ANKS1B: variants seen among roughly 807,000 people sequenced by gnomAD.
ANKS1B encodes the protein ankyrin repeat and sterile alpha motif domain-containing protein 1B.
A neutral mutation model predicts 148.3 loss-of-function variants in ANKS1B; 36 were observed. The observed-to-expected ratio is 0.24, with a 90% CI of 0.19 to 0.32. The LOEUF is 0.32. Among genes scored for constraint, ANKS1B ranks in the 10% least tolerant of loss-of-function variants. The pLI, the probability that ANKS1B is intolerant of heterozygous loss-of-function variation, is 1.00. For missense variants in ANKS1B, 1,157 were observed against 1,542.6 expected, an observed-to-expected ratio of 0.75 and a Z score of 4.19; for synonymous variants, 542 against 560.8, an observed-to-expected ratio of 0.97 and a Z score of 0.47.
intron 12 of ANKS1B, among the ~76,000 whole-genome samples, chr12:99,290,873 G>C (rs1907674): frequency 0.045 from 6,815 of 152,072 alleles, 574 homozygotes; most frequent in East Asian, 0.3. Context: ...AACAAGACAA[G>C]GATGTCCTCT....
At chr12:98,874,711 T>C (rs1411760958) in intron 17 of ANKS1B, among the ~76,000 whole-genome samples, 3 of 152,156 alleles carry the variant, frequency 2.0e-5, no homozygotes, top group Non-Finnish European at 4.4e-5. Flanking sequence ...CTAACAAATA[T>C]ATCTGTATGT....
chr12:98,879,010 G>A lies in ANKS1B; in HGVS notation c.2779-46874C>T, dbSNP rs991292461. Among the ~76,000 whole-genome samples, 14 of 152,186 alleles carry A rather than the reference G, an allele frequency of 9.2e-5. 1 individual carries two copies. The highest frequency in any genetic ancestry group is 3.1e-4 in the African/African-American group (13 of 41,442). ...ATTGCATACTGTCTGTGTGATTGGCGCCTTCTGGAGTTGTGCAGAAGACAA... is the reference window on the plus strand; with the variant it reads ...ATTGCATACTGTCTGTGTGATTGGCACCTTCTGGAGTTGTGCAGAAGACAA... On this transcript the variant is annotated intron_variant, in intron 17 of 26. Coordinates refer to ENST00000683438, the MANE Select transcript of ANKS1B (RefSeq NM_001352186.2).
Position 99,655,164 on chromosome 12 carries a change from T to TCTTCTTCCA in ANKS1B, c.1166_1174dup (p.Val389_Glu391dup). 1 of 1,612,536 alleles carries TCTTCTTCCA rather than the reference T, an allele frequency of 6.2e-7. No homozygotes were observed. Among genetic ancestry groups the TCTTCTTCCA allele is most frequent in the Non-Finnish European group, 8.5e-7 (1 of 1,179,056 alleles). ...CCCACACGTATTTTCATCATCATCCTCTTCTTCCACTTCTCCTGGTGACAA... is the reference window on the plus strand; with the variant it reads ...CCCACACGTATTTTCATCATCATCCTCTTCTTCCACTTCTTCCACTTCTCCTGGTGACAA... On this transcript the variant is annotated inframe_insertion, in exon 9 of 27. Coordinates refer to ENST00000683438, the MANE Select transcript of ANKS1B (RefSeq NM_001352186.2).
chr12:98,749,981 G>T (rs1003721046), intron 26 of ANKS1B, among the ~76,000 whole-genome samples: 4 of 152,200 alleles, frequency 2.6e-5, no homozygotes, highest in African/African-American at 9.7e-5. Flanking sequence ...CTTTGGGCTT[G>T]AGTTGCATGG....
At chr12:99,387,793 C>T (rs79160258) in intron 12 of ANKS1B, among the ~76,000 whole-genome samples, 1 of 150,912 alleles carries the variant, frequency 6.6e-6, no homozygotes, top group Admixed American at 6.6e-5. Flanking sequence ...GTAAGTTACC[C>T]AGTTTACGGT....
At chr12:99,264,749 G>T (rs907092007) in intron 12 of ANKS1B, among the ~76,000 whole-genome samples, 1 of 152,058 alleles carries the variant, frequency 6.6e-6, no homozygotes, top group African/African-American at 2.4e-5. Context: ...TGGGGACCTG[G>T]GATGAGTTCT....
intron 9 of ANKS1B, among the ~76,000 whole-genome samples, chr12:98,738,593 T>G (rs1011538459): frequency 6.6e-6 from 1 of 152,188 alleles, no homozygotes; most frequent in Non-Finnish European, 1.5e-5. Context: ...AGTTTTTAGA[T>G]AGAGGAAGAA....
chr12:99,388,880 A>G (rs1251052249), intron 12 of ANKS1B, among the ~76,000 whole-genome samples: 1 of 152,228 alleles, frequency 6.6e-6, no homozygotes, highest in African/African-American at 2.4e-5. Context: ...TCAGCTTATT[A>G]TCAGTTCATC....
intron 8 of ANKS1B, among the ~76,000 whole-genome samples, chr12:99,667,273 C>T (rs572853439): frequency 5.9e-5 from 9 of 151,432 alleles, no homozygotes; most frequent in African/African-American, 1.7e-4. Context: ...CACTTGAGCC[C>T]GGGAGGCGGA....
At chr12:99,423,484 G>C (rs533051197) in intron 11 of ANKS1B, among the ~76,000 whole-genome samples, 7 of 152,232 alleles carry the variant, frequency 4.6e-5, no homozygotes, top group African/African-American at 1.7e-4. Context: ...GCATTACTGG[G>C]TATGTACCCA....
intron 8 of ANKS1B, among the ~76,000 whole-genome samples, chr12:99,721,788 C>A (rs566183894): frequency 3.3e-5 from 5 of 152,150 alleles, no homozygotes; most frequent in Non-Finnish European, 5.9e-5. Context: ...AAACCTAGGC[C>A]TCATGTGCCA....
chr12:99,003,770 C>G (rs2099934429), intron 17 of ANKS1B, among the ~76,000 whole-genome samples: 1 of 152,166 alleles, frequency 6.6e-6, no homozygotes, highest in African/African-American at 2.4e-5. Flanking sequence ...GTTTGCCATC[C>G]TGCTGCGACC....
At chr12:99,846,962 A>C (rs2086771792) in intron 1 of ANKS1B, among the ~76,000 whole-genome samples, 1 of 152,186 alleles carries the variant, frequency 6.6e-6, no homozygotes. Context: ...CCCAAAGTTC[A>C]CAGAAAGAAG....
chr12:98,953,542 T>G (rs1452722374), intron 17 of ANKS1B, among the ~76,000 whole-genome samples: 4 of 80,700 alleles, frequency 5.0e-5, no homozygotes, highest in African/African-American at 1.6e-4. Context: ...GAGTGGTTTT[T>G]TTTTTTTTTT....
At chr12:98,865,484 C>G (rs1595808790) in intron 17 of ANKS1B, among the ~76,000 whole-genome samples, 1 of 152,000 alleles carries the variant, frequency 6.6e-6, no homozygotes, top group Non-Finnish European at 1.5e-5. Flanking sequence ...TAAGAGTGGA[C>G]AAAGTAAAAC....
intron 25 of ANKS1B, among the ~76,000 whole-genome samples, chr12:98,754,247 A>G (rs1443844111): frequency 6.6e-6 from 1 of 152,242 alleles, no homozygotes; most frequent in African/African-American, 2.4e-5. Context: ...GAGTCAGCCT[A>G]GTAAATTAGT....
At chr12:98,781,480 GAAGGAGT>G (rs1219872617) in intron 23 of ANKS1B, 2 of 541,590 alleles carry the variant, frequency 3.7e-6, no homozygotes, top group Non-Finnish European at 7.1e-6. Flanking sequence ...TTGTGTGGAT[GAAGGAGT>G]ACTTCTTTTC....
At chr12:99,687,593 A>T (rs1041566310) in intron 8 of ANKS1B, among the ~76,000 whole-genome samples, 4 of 151,958 alleles carry the variant, frequency 2.6e-5, no homozygotes, top group Non-Finnish European at 5.9e-5. Context: ...TTTCTGCTTC[A>T]GTCCTATCTC....
intron 12 of ANKS1B, among the ~76,000 whole-genome samples, chr12:99,363,933 G>GTA (rs1566961639): frequency 6.6e-6 from 1 of 152,088 alleles, no homozygotes; most frequent in African/African-American, 2.4e-5. Context: ...GAGGGGACTT[G>GTA]TATATATAAG....
Sources: gnomAD v4.1 joint callset for allele counts (sites outside exome capture counted in the v4.1 genomes callset) on GRCh38, gnomAD v4.1.1 for gene constraint, MANE v1.5 for transcripts, NCBI Gene and HGNC (gene_info 2026-07-23, HGNC 2026-07-21) for gene names.